The following PCDH7 variants were observed in gnomAD, a reference collection of about 807,000 sequenced individuals.
The protein encoded by PCDH7 is protocadherin-7.
PCDH7 carries 17 observed loss-of-function variants against 58.9 expected under a neutral mutation model. The observed-to-expected ratio is 0.29, with a 90% CI of 0.20 to 0.43. PCDH7 has a LOEUF of 0.43. PCDH7 is among the 20% of genes least tolerant of loss of function. The pLI is 1.00. For missense variants in PCDH7, 1,274 were observed against 1,441.0 expected (o/e 0.88, Z 1.88); for synonymous variants, 664 against 616.4 (o/e 1.08, Z -1.14).
At chr4:30,761,750 A>C (rs1340925941) in intron 1 of PCDH7, among the ~76,000 whole-genome samples, 1 of 152,176 alleles carries the variant, frequency 6.6e-6, no homozygotes, top group Non-Finnish European at 1.5e-5. Context: ...AATATGCTTT[A>C]TTTTGTGTTG....
chr4:30,739,679 T>C (rs1207906798), intron 1 of PCDH7, among the ~76,000 whole-genome samples: 3 of 152,188 alleles, frequency 2.0e-5, no homozygotes, highest in Admixed American at 2.0e-4. Context: ...TATGTGTGTA[T>C]GTATTTATGT....
At chr4:31,033,845 G>A (rs1042309734) in intron 3 of PCDH7, among the ~76,000 whole-genome samples, 6 of 152,072 alleles carry the variant, frequency 3.9e-5, no homozygotes, top group Non-Finnish European at 7.4e-5. Flanking sequence ...TGTAATCCTA[G>A]CACTTTGAGA....
chr4:30,974,228 C>CTT (rs1452732994), intron 3 of PCDH7, among the ~76,000 whole-genome samples: 14 of 101,200 alleles, frequency 1.4e-4, no homozygotes, highest in African/African-American at 6.6e-4. Flanking sequence ...CTCTTTCTTT[C>CTT]TTTCTTTTTC....
intron 1 of PCDH7, among the ~76,000 whole-genome samples, chr4:30,756,331 AC>A (rs1460342963): frequency 6.6e-6 from 1 of 152,030 alleles, no homozygotes; most frequent in Non-Finnish European, 1.5e-5. Context: ...TCCCAACAGC[AC>A]CACACGGGGG....
At chr4:30,725,940 T>A (rs1292417906) in intron 1 of PCDH7, among the ~76,000 whole-genome samples, 1 of 152,114 alleles carries the variant, frequency 6.6e-6, no homozygotes, top group Non-Finnish European at 1.5e-5. Context: ...AGTCTGAATA[T>A]ACTTTTATAT....
At chr4:31,101,965 T>A (rs930337621) in intron 3 of PCDH7, among the ~76,000 whole-genome samples, 1 of 152,128 alleles carries the variant, frequency 6.6e-6, no homozygotes, top group African/African-American at 2.4e-5. Flanking sequence ...GTATGAAAAA[T>A]TTCACTTGGC....
rs115429836 is a variant in PCDH7 at position 30,722,541 on chromosome 4, C to A, written c.1119C>A (p.Ile373=). 6.2e-7 allele frequency: 1 copy of A among 1,612,042 alleles called. No individual in the cohort carries two copies. Among genetic ancestry groups the A allele is most frequent in the South Asian group, 1.1e-5 (1 of 91,016 alleles). The change falls in exon 1 of 2, where the codon ATC becomes ATA. Residue 373 remains isoleucine (I), a synonymous_variant. Transcript: ENST00000361762. The surrounding 1 kb of genome is among the most constrained non-coding windows in gnomAD (Gnocchi z 7.6). ...GCTGGCTCAGCGTCCTGCACCGGATCGACCGCGAGGAGGTGAACCAGCTGC... is the reference window on the plus strand; with the variant it reads ...GCTGGCTCAGCGTCCTGCACCGGATAGACCGCGAGGAGGTGAACCAGCTGC...
At chr4:31,141,577 G>T (rs1488153245) in intron 3 of PCDH7, among the ~76,000 whole-genome samples, 1 of 152,094 alleles carries the variant, frequency 6.6e-6, no homozygotes, top group African/African-American at 2.4e-5. Context: ...ATACATACAG[G>T]TAATTATTAA....
intron 1 of PCDH7, among the ~76,000 whole-genome samples, chr4:30,887,552 A>G (rs78880541): frequency 3.9e-4 from 60 of 152,340 alleles, no homozygotes; most frequent in Non-Finnish European, 5.4e-4. Context: ...CATAGAGAAG[A>G]TAATACTTGA....
chr4:30,976,288 T>C (rs987487251), intron 3 of PCDH7, among the ~76,000 whole-genome samples: 7 of 151,972 alleles, frequency 4.6e-5, no homozygotes, highest in African/African-American at 9.7e-5. Flanking sequence ...ATGGGGTTTC[T>C]CCATGTTGGT....
intron 1 of PCDH7, among the ~76,000 whole-genome samples, chr4:30,896,627 AC>A (rs974850066): frequency 5.9e-5 from 9 of 152,256 alleles, no homozygotes; most frequent in African/African-American, 2.2e-4. Flanking sequence ...ACCAATTCAG[AC>A]TAATTGTATG....
At chr4:30,824,135 C>A (rs927810365) in intron 1 of PCDH7, among the ~76,000 whole-genome samples, 2 of 143,578 alleles carry the variant, frequency 1.4e-5, no homozygotes, top group Admixed American at 7.1e-5. Flanking sequence ...TTCTTTCTTT[C>A]TTTCTTTCTT....
intron 1 of PCDH7, among the ~76,000 whole-genome samples, chr4:30,881,790 G>A (rs1045802596): frequency 4.6e-5 from 7 of 152,074 alleles, no homozygotes; most frequent in Admixed American, 6.6e-5. Flanking sequence ...TTTTAGCAGC[G>A]TTCTAAACGA....
chr4:31,036,754 A>C (rs1755445553), intron 3 of PCDH7, among the ~76,000 whole-genome samples: 1 of 152,138 alleles, frequency 6.6e-6, no homozygotes, highest in East Asian at 1.9e-4. Context: ...GTATTAGTTC[A>C]TTTTCACGTA....
At chr4:30,869,038 A>G (rs1268939682) in intron 1 of PCDH7, 1 of 152,092 alleles carries the variant, frequency 6.6e-6, no homozygotes, top group Non-Finnish European at 1.5e-5. Flanking sequence ...ATGGAGAACA[A>G]CGTGTTAATC....
intron 3 of PCDH7, among the ~76,000 whole-genome samples, chr4:30,951,653 C>A (rs1001620387): frequency 2.0e-5 from 3 of 152,098 alleles, no homozygotes; most frequent in African/African-American, 7.2e-5. Flanking sequence ...TTTGTATGGG[C>A]ACAATGTTAA....
At chr4:30,731,243 C>A in exon 2 of PCDH7, 1 of 658,164 alleles carries the variant, frequency 1.5e-6, no homozygotes, top group Non-Finnish European at 1.9e-6. Context: ...TAATCACAGG[C>A]CTGTCAGATA....
Position 30,723,964 on chromosome 4 carries a change from G to A in PCDH7, c.2542G>A (p.Ala848Thr), listed in dbSNP as rs751419367. 2 of 1,614,128 alleles carry A rather than the reference G, an allele frequency of 1.2e-6. No individual in the cohort carries two copies. Among genetic ancestry groups the A allele is most frequent in the Non-Finnish European group, 1.7e-6 (2 of 1,180,042 alleles). The change falls in exon 1 of 2, where the codon GCG (alanine) becomes ACG (threonine). Residue 848 changes from alanine to threonine, a missense_variant. Coordinates refer to ENST00000361762, the Ensembl canonical transcript of PCDH7. The surrounding 1 kb of genome is among the most constrained non-coding windows in gnomAD (Gnocchi z 4.6). ...CAATGAAAGTGTTTCTAATGCAACT[G>A]CGATTGACTCCCAGATAGCTAGAAG...
intron 3 of PCDH7, among the ~76,000 whole-genome samples, chr4:31,036,842 G>A (rs1162068383): frequency 6.6e-6 from 1 of 152,136 alleles, no homozygotes; most frequent in East Asian, 1.9e-4. Context: ...ACATGTCTGG[G>A]GAGGCCTCAC....
Sources: allele counts gnomAD v4.1 joint callset (sites outside exome capture counted in the v4.1 genomes callset), GRCh38; gene constraint gnomAD v4.1.1; non-coding constraint Gnocchi (gnomAD v3.1); transcripts MANE v1.5; gene names NCBI Gene and HGNC (gene_info 2026-07-23, HGNC 2026-07-21).